Variants in NFASC observed in about 807,000 individuals in gnomAD.
The protein encoded by NFASC is neurofascin homolog.
Under a neutral mutation model 147.5 loss-of-function variants are expected in NFASC, and 43 were observed. The ratio of observed to expected loss-of-function variants is 0.29; its 90% CI spans 0.23 to 0.38. The LOEUF (loss-of-function observed/expected upper bound fraction) is 0.38. NFASC is among the 10% of genes least tolerant of loss of function. NFASC has a pLI of 1.00. For synonymous variants in NFASC, 622 were observed against 665.5 expected, an observed-to-expected ratio of 0.93 and a Z score of 1.01; for missense variants, 1,320 against 1,689.0, an observed-to-expected ratio of 0.78 and a Z score of 3.83.
Position 205,022,623 on chromosome 1 carries a change from T to G in NFASC, c.*6084T>G, listed in dbSNP as rs2096408166. ...ACCAACTTTGTCAGTGACAGATGCG[T>G]ATCTGAGGGTGTCACACACGACCTT... On this transcript the variant is annotated 3_prime_UTR_variant, in exon 30 of 30. Coordinates refer to ENST00000339876, the MANE Select transcript of NFASC (RefSeq NM_001005388.3). 1 of 152,638 alleles carries G rather than the reference T, an allele frequency of 6.6e-6. No homozygotes were observed. The highest frequency in any genetic ancestry group is 1.5e-5 in the Non-Finnish European group (1 of 68,044). The allele number at this position is 152,638 out of a possible 1,614,324, so 9.5% of individuals were successfully genotyped here.
At position 204,984,311 on chromosome 1, in the gene NFASC, GA is replaced by G. The variant is rs1179774303; in HGVS notation, c.2470+2300del. Reference sequence around the variant, plus strand: ...GGTTAGATGTTCAAAAATATACCCAGAAAAAAAAATTATATATATATGTGTG... The same window carrying G: ...GGTTAGATGTTCAAAAATATACCCAGAAAAAAAATTATATATATATGTGTG... On this transcript the variant is annotated intron_variant, in intron 21 of 29. Transcript: ENST00000339876. The G allele has an allele frequency of 2.1e-4, 110 of 524,760 alleles. 1 individual carries two copies. In the East Asian group the frequency reaches 2.3e-3, roughly 11 times the overall value. 32.5% of individuals were successfully genotyped at this position (524,760 alleles called of 1,614,324 possible). A position where few individuals can be genotyped will look rare whatever the true frequency, so the allele number is the denominator to read the frequency against.
chr1:204,936,005 A>G (rs546142671), intron 2 of NFASC, among the ~76,000 whole-genome samples: 1 of 152,208 alleles, frequency 6.6e-6, no homozygotes, highest in East Asian at 1.9e-4. Context: ...AAAACCTTAT[A>G]TGAAACCCCA....
At chr1:204,837,695 T>G (rs4950965) in intron 1 of NFASC, among the ~76,000 whole-genome samples, 35,408 of 151,978 alleles carry the variant, frequency 0.23, 6,444 homozygotes, top group East Asian at 0.73. Flanking sequence ...TGACCTGAGA[T>G]ATTTTTCTCT....
At chr1:204,947,736 C>G (rs1340907115) in intron 3 of NFASC, among the ~76,000 whole-genome samples, 1 of 152,096 alleles carries the variant, frequency 6.6e-6, no homozygotes, top group African/African-American at 2.4e-5. Flanking sequence ...TCTGCTGGCC[C>G]TTTTGTCCCT....
intron 3 of NFASC, chr1:204,944,624 G>C (rs2802834): frequency 0.5 from 263,246 of 530,958 alleles, 68,787 homozygotes; most frequent in Middle Eastern, 0.56. Context: ...GTTTCTCAGG[G>C]CTGTGGCTGA....
intron 4 of NFASC, among the ~76,000 whole-genome samples, chr1:204,951,092 A>G (rs2094082792): frequency 1.3e-5 from 2 of 151,928 alleles, no homozygotes; most frequent in South Asian, 4.2e-4. Context: ...AGGCATTGTA[A>G]GGTAAGGATG....
At chr1:204,858,209 C>T (rs1018105343) in intron 1 of NFASC, among the ~76,000 whole-genome samples, 4 of 152,048 alleles carry the variant, frequency 2.6e-5, no homozygotes, top group Non-Finnish European at 4.4e-5. Flanking sequence ...TGTGAGCCAC[C>T]GAGGCTGGCC....
intron 1 of NFASC, among the ~76,000 whole-genome samples, chr1:204,861,034 A>C (rs1212280750): frequency 8.0e-6 from 1 of 124,640 alleles, no homozygotes; most frequent in Non-Finnish European, 1.7e-5. Flanking sequence ...TAGTGTTGCT[A>C]TGAACATTTT....
At chr1:204,888,725 T>C (rs2081813372) in intron 1 of NFASC, among the ~76,000 whole-genome samples, 1 of 152,142 alleles carries the variant, frequency 6.6e-6, no homozygotes, top group Non-Finnish European at 1.5e-5. Context: ...TCCCATATAG[T>C]AGAGATTTTA....
intron 1 of NFASC, among the ~76,000 whole-genome samples, chr1:204,870,358 G>A (rs969105775): frequency 6.6e-6 from 1 of 152,164 alleles, no homozygotes; most frequent in Non-Finnish European, 1.5e-5. Flanking sequence ...TCCTGTGTGG[G>A]GCCAGCACAC....
At position 205,021,492 on chromosome 1, in the gene NFASC, C is replaced by T. The variant is rs2096400346; in HGVS notation, c.*4953C>T. The T allele has an allele frequency of 6.5e-6, 1 of 152,696 alleles. No individual in the cohort carries two copies. The highest frequency in any genetic ancestry group is 1.5e-5 in the Non-Finnish European group (1 of 68,050). 9.5% of individuals were successfully genotyped at this position (152,696 alleles called of 1,614,324 possible). A position where few individuals can be genotyped will look rare whatever the true frequency, so the allele number is the denominator to read the frequency against. ...TCGGATTTCGGCATGTGAAGGAATC[C>T]CAGAGCTGATCTCATTGAAATGATC... On this transcript the variant is annotated 3_prime_UTR_variant, in exon 30 of 30. Transcript: ENST00000339876.
At position 204,975,468 on chromosome 1, in the gene NFASC, CT is replaced by C. The variant is rs781466046; in HGVS notation, c.1706+54del. 2.4e-4 allele frequency: 377 copies of C among 1,579,682 alleles called. No homozygotes were observed. Among genetic ancestry groups the C allele is most frequent in the Middle Eastern group, 5.1e-4 (3 of 5,930 alleles). On this transcript the variant is annotated intron_variant, in intron 15 of 29. Transcript: ENST00000339876. This position sits in a 1 kb window ranked among gnomAD's most constrained non-coding sequence, Gnocchi z 4.0. ...CTAGTGCTAGTTTGAGGCGCATTTT[CT>C]TTTCCCTTGCTGTTGGTGACACATG...
intron 25 of NFASC, chr1:204,998,604 A>T (rs1458594741): frequency 2.0e-5 from 3 of 152,248 alleles, no homozygotes; most frequent in African/African-American, 7.2e-5. Context: ...CACAGGTGCC[A>T]TCTAGAACTT....
At chr1:204,948,882 G>A (rs545090919) in intron 3 of NFASC, among the ~76,000 whole-genome samples, 1 of 152,218 alleles carries the variant, frequency 6.6e-6, no homozygotes, top group Non-Finnish European at 1.5e-5. Flanking sequence ...CAAGGGGAGC[G>A]GGTCCCAGTG....
At chr1:204,936,112 C>T (rs2149664833) in intron 2 of NFASC, among the ~76,000 whole-genome samples, 1 of 152,080 alleles carries the variant, frequency 6.6e-6, no homozygotes, top group South Asian at 2.1e-4. Flanking sequence ...TTGAAGAAGG[C>T]CCCTGAGTCA....
At chr1:204,887,723 A>G (rs2081591312) in intron 1 of NFASC, among the ~76,000 whole-genome samples, 1 of 149,782 alleles carries the variant, frequency 6.7e-6, no homozygotes, top group Non-Finnish European at 1.5e-5. Flanking sequence ...CAGCCTCCCA[A>G]GTAGCTGGGA....
chr1:205,013,821 G>A (rs1447995603), intron 29 of NFASC, among the ~76,000 whole-genome samples: 3 of 152,046 alleles, frequency 2.0e-5, no homozygotes, highest in Non-Finnish European at 2.9e-5. Context: ...TCCTTTTCCT[G>A]TCCTGGGCCT....
In NFASC at chr1:205,016,195, G is replaced by A; in HGVS notation, c.3492-113G>A. ...ACAGGGGAGGGTGAAGCGGGGGCTG[G>A]ACTGGGCGGTCTCCTGGATCCCATC... On this transcript the variant is annotated intron_variant, in intron 29 of 29. Coordinates refer to ENST00000339876, the MANE Select transcript of NFASC (RefSeq NM_001005388.3). This position sits in a 1 kb window ranked among gnomAD's most constrained non-coding sequence, Gnocchi z 5.1. The A allele has an allele frequency of 1.3e-6, 1 of 750,602 alleles. No homozygotes were observed. Among genetic ancestry groups the A allele is most frequent in the South Asian group, 1.6e-5 (1 of 64,460 alleles). 46.5% of individuals were successfully genotyped at this position (750,602 alleles called of 1,614,324 possible).
At chr1:204,880,594 C>T (rs1027916417) in intron 1 of NFASC, among the ~76,000 whole-genome samples, 3 of 152,260 alleles carry the variant, frequency 2.0e-5, no homozygotes, top group Non-Finnish European at 4.4e-5. Flanking sequence ...TGACGTGCTG[C>T]ACCCGCCTCA....
Sources: gnomAD v4.1 joint callset for allele counts (sites outside exome capture counted in the v4.1 genomes callset) on GRCh38, gnomAD v4.1.1 for gene constraint, Gnocchi (gnomAD v3.1) non-coding constraint, MANE v1.5 for transcripts, NCBI Gene and HGNC (gene_info 2026-07-23, HGNC 2026-07-21) for gene names.